Variants in SLC46A3 observed in about 807,000 individuals in gnomAD.
The protein encoded by SLC46A3 is solute carrier family 46 member 3, also known as lysosomal proton-coupled steroid conjugate and bile acid symporter SLC46A3.
SLC46A3 carries 26 observed loss-of-function variants against 38.5 expected under a neutral mutation model. The ratio of observed to expected loss-of-function variants is 0.68; its 90% CI spans 0.49 to 0.94. The LOEUF (loss-of-function observed/expected upper bound fraction) is 0.94, where lower values mean the gene tolerates loss of function less well. Among genes scored for constraint, SLC46A3 ranks in the 40% least tolerant of loss-of-function variants. SLC46A3 has a pLI of 0.00. For synonymous variants in SLC46A3, 185 were observed against 192.5 expected (o/e 0.96, Z 0.32); for missense variants, 510 against 544.3 (o/e 0.94, Z 0.63).
At chr13:28,715,498 G>A (rs1462996283) in intron 2 of SLC46A3, among the ~76,000 whole-genome samples, 1 of 152,148 alleles carries the variant, frequency 6.6e-6, no homozygotes, top group African/African-American at 2.4e-5. Flanking sequence ...CCCTCCCACT[G>A]CAACCAGGGG....
At chr13:28,712,610 C>A (rs1322015623) in intron 3 of SLC46A3, 70 bp downstream of exon 3, 2 of 1,432,020 alleles carry the variant, frequency 1.4e-6, no homozygotes, top group Non-Finnish European at 1.8e-6. Context: ...GTTTCTCCCC[C>A]AGTAGACTAA....
intron 4 of SLC46A3, among the ~76,000 whole-genome samples, chr13:28,710,256 C>T (rs1885304424): frequency 6.6e-6 from 1 of 152,134 alleles, no homozygotes; most frequent in Non-Finnish European, 1.5e-5. Flanking sequence ...GTGGAACAGC[C>T]CCACCCTGTG....
chr13:28,701,310 C>T lies in SLC46A3; in HGVS notation c.*187G>A. ...TATATTGCATGATACGCACAAAGTG[C>T]TCAAAGTGCGTGGTACCACAAGAAG... On this transcript the variant is annotated 3_prime_UTR_variant, in exon 6 of 6. Coordinates refer to ENST00000266943, the MANE Select transcript of SLC46A3 (RefSeq NM_181785.4). 7.0e-7 allele frequency: 1 copy of T among 1,420,556 alleles called. No individual in the cohort carries two copies. The highest frequency in any genetic ancestry group is 1.7e-5 in the South Asian group (1 of 60,444). 88.0% of individuals were successfully genotyped at this position (1,420,556 alleles called of 1,614,324 possible). A position where few individuals can be genotyped will look rare whatever the true frequency, so the allele number is the denominator to read the frequency against.
rs1470069903 is a variant in SLC46A3, at chr13:28,717,951, AGCAAAT to A, written c.42_47del (p.Phe15_Ala16del). ...TTGTCAGTGGACCGGTCAAAGTCATAGCAAATGCACTAAGGAAAATGGCAGGTTCTA... is the reference window on the plus strand; with the variant it reads ...TTGTCAGTGGACCGGTCAAAGTCATAGCACTAAGGAAAATGGCAGGTTCTA... On this transcript the variant is annotated inframe_deletion, in exon 2 of 6. Coordinates refer to ENST00000266943, the MANE Select transcript of SLC46A3 (RefSeq NM_181785.4). 1.2e-6 allele frequency: 2 copies of A among 1,613,992 alleles called. No individual in the cohort carries two copies. Among genetic ancestry groups the A allele is most frequent in the East Asian group, 4.5e-5 (2 of 44,890 alleles).
At position 28,718,006 on chromosome 13, in the gene SLC46A3, G is replaced by T; in HGVS notation, c.-8C>A. The T allele has an allele frequency of 6.2e-7, 1 of 1,610,802 alleles. No individual in the cohort carries two copies. The highest frequency in any genetic ancestry group is 8.5e-7 in the Non-Finnish European group (1 of 1,178,674). ...TACAAATAAAATCTTCATATTGCCT[G>T]GGTAGGTAGCTGTATTCTATAAAAA... On this transcript the variant is annotated 5_prime_UTR_variant, in exon 2 of 6. Coordinates refer to ENST00000266943, the MANE Select transcript of SLC46A3 (RefSeq NM_181785.4).
At chr13:28,706,004 G>A (rs1160503038) in intron 4 of SLC46A3, among the ~76,000 whole-genome samples, 7 of 152,066 alleles carry the variant, frequency 4.6e-5, no homozygotes, top group South Asian at 2.1e-4. Context: ...TGAGCAGTTC[G>A]ACTTGTTTAA....
At chr13:28,708,036 A>G (rs1179970728) in intron 4 of SLC46A3, among the ~76,000 whole-genome samples, 1 of 152,240 alleles carries the variant, frequency 6.6e-6, no homozygotes, top group East Asian at 1.9e-4. Flanking sequence ...ATTGCAGAAG[A>G]GCAGTTTGCT....
At chr13:28,711,768 A>G (rs1227881016) in intron 3 of SLC46A3, among the ~76,000 whole-genome samples, 1 of 152,222 alleles carries the variant, frequency 6.6e-6, no homozygotes, top group Non-Finnish European at 1.5e-5. Flanking sequence ...TTTCACATAG[A>G]TTAACTTACC....
At chr13:28,712,120 A>G in intron 3 of SLC46A3, among the ~76,000 whole-genome samples, 1 of 152,220 alleles carries the variant, frequency 6.6e-6, no homozygotes. Context: ...TCAATGCAGT[A>G]TCTCATTTGA....
intron 5 of SLC46A3, among the ~76,000 whole-genome samples, chr13:28,702,178 T>C (rs1885043119): frequency 6.6e-6 from 1 of 151,808 alleles, no homozygotes; most frequent in Non-Finnish European, 1.5e-5. Context: ...AAGATGGGGG[T>C]CCCACTATGT....
chr13:28,710,935 C>T (rs1157803916), intron 3 of SLC46A3, 92 bp from the exon 4 acceptor site: 4 of 858,542 alleles, frequency 4.7e-6, no homozygotes, highest in Non-Finnish European at 7.5e-6. Context: ...CTAAATACTT[C>T]CTTTTCTACA....
rs1885603011 is a variant in SLC46A3 at position 28,718,574 on chromosome 13, C to T, written c.-103G>A. ...GCTGTCGCCTCGGATGCCCTGCGCT[C>T]GTGCGCGCCCGGGTTCAAGGGCAGC... On this transcript the variant is annotated 5_prime_UTR_variant, in exon 1 of 6. Coordinates refer to ENST00000266943, the MANE Select transcript of SLC46A3 (RefSeq NM_181785.4). The T allele has an allele frequency of 6.6e-6, 1 of 152,474 alleles. No individual in the cohort carries two copies. 9.4% of individuals were successfully genotyped at this position (152,474 alleles called of 1,614,324 possible). A position where few individuals can be genotyped will look rare whatever the true frequency, so the allele number is the denominator to read the frequency against.
At chr13:28,707,359 T>C (rs376873944) in intron 4 of SLC46A3, among the ~76,000 whole-genome samples, 8 of 135,080 alleles carry the variant, frequency 5.9e-5, no homozygotes, top group African/African-American at 1.9e-4. Context: ...ATGAGAACAC[T>C]TGGACACAGG....
In SLC46A3 at chr13:28,705,924, G is replaced by C. The variant is rs971175501; in HGVS notation, c.1145-1825C>G. ...TCTATTCTTGATGGGAAATAGGTCA[G>C]ACACTGCACCATCTGTTCTGATGGA... On this transcript the variant is annotated intron_variant, in intron 4 of 5. Transcript: ENST00000266943. Among the ~76,000 whole-genome samples, 10 of 152,326 alleles carry C rather than the reference G, an allele frequency of 6.6e-5. No individual in the cohort carries two copies. In the East Asian group the frequency reaches 1.9e-3, roughly 29 times the overall value.
chr13:28,707,820 A>G (rs141182232), intron 4 of SLC46A3, among the ~76,000 whole-genome samples: 28 of 152,266 alleles, frequency 1.8e-4, no homozygotes, highest in African/African-American at 6.0e-4. Context: ...CTGTATACCC[A>G]TAAGTAGTCA....
At chr13:28,706,204 A>G (rs1009652745) in intron 4 of SLC46A3, among the ~76,000 whole-genome samples, 1 of 152,222 alleles carries the variant, frequency 6.6e-6, no homozygotes, top group East Asian at 1.9e-4. Flanking sequence ...ATGAGTTCAC[A>G]GTGGTGCAGA....
intron 2 of SLC46A3, among the ~76,000 whole-genome samples, chr13:28,715,261 A>C (rs1057128882): frequency 3.9e-5 from 6 of 152,198 alleles, no homozygotes; most frequent in South Asian, 2.1e-4. Context: ...AGAAACAATA[A>C]ATGAAAAAGT....
At chr13:28,708,990 A>G (rs1042171937) in intron 4 of SLC46A3, among the ~76,000 whole-genome samples, 3 of 152,204 alleles carry the variant, frequency 2.0e-5, no homozygotes, top group African/African-American at 7.2e-5. Flanking sequence ...CACATCATCT[A>G]TAAACAGATG....
At position 28,713,272 on chromosome 13, in the gene SLC46A3, A is replaced by G. The variant is rs1885423651; in HGVS notation, c.468T>C (p.Val156=). 6.2e-7 allele frequency: 1 copy of G among 1,613,894 alleles called. No individual in the cohort carries two copies. Among genetic ancestry groups the G allele is most frequent in the Admixed American group, 1.7e-5 (1 of 60,006 alleles). Residue 156 remains valine (V), a synonymous_variant, in exon 3 of 6, where the codon GTT becomes GTC. Transcript: ENST00000266943. ...TTTGTTTGTGTTCTTTACACTGATC[A>G]ACTATATAGGCAAAGCAAGCTCCCC... ...TFWGACFAYI[V]DQCKEHKQKT...
Sources: gnomAD v4.1 joint callset for allele counts (sites outside exome capture counted in the v4.1 genomes callset) on GRCh38, gnomAD v4.1.1 for gene constraint, MANE v1.5 for transcripts, NCBI Gene and HGNC (gene_info 2026-07-23, HGNC 2026-07-21) for gene names.